RPL36AL: variants seen among roughly 807,000 people sequenced by gnomAD.
The protein encoded by RPL36AL is ribosomal protein L36a like.
Under a neutral mutation model 7.9 loss-of-function variants are expected in RPL36AL, and 8 were observed. That is an observed-to-expected ratio of 1.02 (90% CI 0.60 to 1.84). RPL36AL has a LOEUF of 1.84. RPL36AL is among the 40% of genes most tolerant of loss of function. The pLI, the probability that RPL36AL is intolerant of heterozygous loss-of-function variation, is 0.00. For synonymous variants in RPL36AL, 44 were observed against 44.8 expected, an observed-to-expected ratio of 0.98 and a Z score of 0.07; for missense variants, 76 against 126.8, an observed-to-expected ratio of 0.60 and a Z score of 1.93.
intron 1 of RPL36AL, among the ~76,000 whole-genome samples, chr14:49,619,571 C>A (rs1882771604): frequency 6.6e-6 from 1 of 151,640 alleles, no homozygotes; most frequent in Non-Finnish European, 1.5e-5. Flanking sequence ...CGGAGGTTGC[C>A]GTGAGCCGAG....
intron 1 of RPL36AL, among the ~76,000 whole-genome samples, chr14:49,619,585 G>A (rs922019581): frequency 6.6e-6 from 1 of 151,784 alleles, no homozygotes. Context: ...AGCCGAGATC[G>A]CACCATTGCA....
At position 49,618,697 on chromosome 14, in the gene RPL36AL, G is replaced by C. The variant is rs1267578266; in HGVS notation, c.*87C>G. The C allele has an allele frequency of 2.2e-5, 25 of 1,121,746 alleles. No individual in the cohort carries two copies. In the East Asian group the frequency reaches 5.2e-4, roughly 23 times the overall value. The allele number at this position is 1,121,746 out of a possible 1,614,324, so 69.5% of individuals were successfully genotyped here. ...TAAAAACCACAAAAAGTTTGCGTAA[G>C]AATATCACTGTATTTATTTTCCCTC... On this transcript the variant is annotated 3_prime_UTR_variant, in exon 2 of 2. Coordinates refer to ENST00000298289, the MANE Select transcript of RPL36AL (RefSeq NM_001001.5).
Position 49,618,926 on chromosome 14 carries a change from G to C in RPL36AL, c.179C>G (p.Ala60Gly). The C allele has an allele frequency of 1.9e-6, 3 of 1,613,592 alleles. No individual in the cohort carries two copies. Among genetic ancestry groups the C allele is most frequent in the Non-Finnish European group, 2.5e-6 (3 of 1,179,868 alleles). ...GQTKPIFRKKAKTTKKIVLRL... is the reference protein window; with the variant it reads ...GQTKPIFRKKGKTTKKIVLRL... ...TAGCACAATCTTCTTTGTGGTCTTA[G>C]CCTTCTTCCGGAAAATTGGCTTTGT... Residue 60 changes from alanine (A) to glycine (G), a missense_variant, in exon 2 of 2, where the codon GCT (alanine) becomes GGT (glycine). Ala to Gly is a moderately conservative substitution (Grantham distance 60, BLOSUM62 0). Transcript: ENST00000298289.
rs770273173 is a variant in RPL36AL at position 49,620,577 on chromosome 14, G to A, written c.-52C>T. 61 of 191,024 alleles carry A rather than the reference G, an allele frequency of 3.2e-4. No individual in the cohort carries two copies. Among genetic ancestry groups the A allele is most frequent in the African/African-American group, 1.2e-3 (50 of 42,522 alleles). The allele number at this position is 191,024 out of a possible 1,614,324, so 11.8% of individuals were successfully genotyped here. A position where few individuals can be genotyped will look rare whatever the true frequency, so the allele number is the denominator to read the frequency against. On this transcript the variant is annotated 5_prime_UTR_variant, in exon 1 of 2. Coordinates refer to ENST00000298289, the MANE Select transcript of RPL36AL (RefSeq NM_001001.5). Reference sequence around the variant, plus strand: ...CTTAGCTTACCGAGAAACAGCGCCCGACACCTGGCCCTTCGCAGCTCTCGC... The same window carrying A: ...CTTAGCTTACCGAGAAACAGCGCCCAACACCTGGCCCTTCGCAGCTCTCGC...
At chr14:49,619,204 A>G in intron 1 of RPL36AL, 64 bp from the exon 2 acceptor site, 1 of 1,009,248 alleles carries the variant, frequency 9.9e-7, no homozygotes, top group Non-Finnish European at 1.5e-6. Context: ...AAAGTGCTAT[A>G]CAAGTATATA....
At chr14:49,619,546 C>T (rs1385977769) in intron 1 of RPL36AL, among the ~76,000 whole-genome samples, 1 of 125,344 alleles carries the variant, frequency 8.0e-6, no homozygotes, top group Non-Finnish European at 1.7e-5. Flanking sequence ...ATCGCTTGGG[C>T]GGGGTGGGGA....
Position 49,620,603 on chromosome 14 carries a change from C to T in RPL36AL, c.-78G>A, listed in dbSNP as rs1882808840. 4.5e-6 allele frequency: 1 copy of T among 221,564 alleles called. No individual in the cohort carries two copies. Among genetic ancestry groups the T allele is most frequent in the Admixed American group, 5.6e-5 (1 of 17,762 alleles). 13.7% of individuals were successfully genotyped at this position (221,564 alleles called of 1,614,324 possible). On this transcript the variant is annotated 5_prime_UTR_variant, in exon 1 of 2. Transcript: ENST00000298289. ...ACACCTGGCCCTTCGCAGCTCTCGC[C>T]TTTCGCAGCTCTCGCCTAACAGGAA...
In RPL36AL at chr14:49,618,578, A is replaced by AAGT; in HGVS notation, c.*203_*205dup. 1.8e-6 allele frequency: 1 copy of AAGT among 555,468 alleles called. No individual in the cohort carries two copies. The highest frequency in any genetic ancestry group is 3.2e-6 in the Non-Finnish European group (1 of 314,932). 34.4% of individuals were successfully genotyped at this position (555,468 alleles called of 1,614,324 possible). The stretch of plus-strand genomic sequence containing the variant: ...CATTTGAAATTGACCAGAAAACAAA[A>AAGT]AGTAGTAAAGTAGTATTTTCCCTTC... On this transcript the variant is annotated 3_prime_UTR_variant, in exon 2 of 2. Transcript: ENST00000298289.
Position 49,618,577 on chromosome 14 carries a change from AAAG to A in RPL36AL, c.*204_*206del, listed in dbSNP as rs1882734597. 7 of 553,662 alleles carry A rather than the reference AAAG, an allele frequency of 1.3e-5. No homozygotes were observed. The highest frequency in any genetic ancestry group is 2.2e-5 in the Non-Finnish European group (7 of 313,958). 34.3% of individuals were successfully genotyped at this position (553,662 alleles called of 1,614,324 possible). ...ACATTTGAAATTGACCAGAAAACAA[AAAG>A]TAGTAAAGTAGTATTTTCCCTTCAT... On this transcript the variant is annotated 3_prime_UTR_variant, in exon 2 of 2. Coordinates refer to ENST00000298289, the MANE Select transcript of RPL36AL (RefSeq NM_001001.5).
intron 1 of RPL36AL, among the ~76,000 whole-genome samples, chr14:49,619,955 G>T (rs946453059): frequency 5.9e-5 from 9 of 152,076 alleles, no homozygotes; most frequent in Non-Finnish European, 1.0e-4. Context: ...GTCTCTCTGG[G>T]CCCGGCAAAT....
chr14:49,619,186 G>A (rs571127233), intron 1 of RPL36AL, 46 bp from the exon 2 acceptor site: 22 of 1,313,060 alleles, frequency 1.7e-5, no homozygotes, highest in Admixed American at 2.3e-5. Context: ...TAAACATTCC[G>A]AAAAGTGAAA....
rs1882738370 is a variant in RPL36AL at position 49,618,715 on chromosome 14, T to C, written c.*69A>G. On this transcript the variant is annotated 3_prime_UTR_variant, in exon 2 of 2. Transcript: ENST00000298289. ...TGCGTAAGAATATCACTGTATTTAT[T>C]TTCCCTCGGGTAACTTTTCTATGGC... 7.7e-7 allele frequency: 1 copy of C among 1,304,806 alleles called. No homozygotes were observed. The highest frequency in any genetic ancestry group is 2.3e-5 in the East Asian group (1 of 43,416). 80.8% of individuals were successfully genotyped at this position (1,304,806 alleles called of 1,614,324 possible).
chr14:49,620,621 A>C lies in RPL36AL; in HGVS notation c.-96T>G. On this transcript the variant is annotated 5_prime_UTR_variant, in exon 1 of 2. Transcript: ENST00000298289. ...CTCTCGCCTTTCGCAGCTCTCGCCTAACAGGAAAGGGAAGAAACAGGCGGA... is the reference window on the plus strand; with the variant it reads ...CTCTCGCCTTTCGCAGCTCTCGCCTCACAGGAAAGGGAAGAAACAGGCGGA... The C allele has an allele frequency of 4.0e-6, 1 of 249,352 alleles. No homozygotes were observed. The highest frequency in any genetic ancestry group is 7.7e-6 in the Non-Finnish European group (1 of 130,088). The allele number at this position is 249,352 out of a possible 1,614,324, so 15.4% of individuals were successfully genotyped here. A position where few individuals can be genotyped will look rare whatever the true frequency, so the allele number is the denominator to read the frequency against.
At chr14:49,620,246 G>C (rs1182261390) in intron 1 of RPL36AL, among the ~76,000 whole-genome samples, 4 of 151,702 alleles carry the variant, frequency 2.6e-5, no homozygotes, top group African/African-American at 9.7e-5. Context: ...AGCGCGCGAC[G>C]TTGTAGCTAC....
At chr14:49,620,276 C>A (rs1882795088) in intron 1 of RPL36AL, among the ~76,000 whole-genome samples, 1 of 152,110 alleles carries the variant, frequency 6.6e-6, no homozygotes, top group African/African-American at 2.4e-5. Context: ...CCGCCCCGTT[C>A]CTTCTACGAG....
At chr14:49,619,614 C>T (rs1160483316) in intron 1 of RPL36AL, among the ~76,000 whole-genome samples, 2 of 150,160 alleles carry the variant, frequency 1.3e-5, no homozygotes, top group African/African-American at 4.9e-5. Context: ...TGGGCAACAA[C>T]AGCGGAATTA....
In RPL36AL at chr14:49,618,969, T is replaced by C. The variant is rs759116865; in HGVS notation, c.136A>G (p.Ser46Gly). 69 of 1,613,874 alleles carry C rather than the reference T, an allele frequency of 4.3e-5. No homozygotes were observed. The highest frequency in any genetic ancestry group is 5.8e-5 in the Non-Finnish European group (69 of 1,179,874). ...GGCTTTGTCTGCCCACCATAGCCAC[T>C]CTGCTTCCGATCATAGCGCCTCCTT... ...QGRRRYDRKQ[S>G]GYGGQTKPIF... The change falls in exon 2 of 2, where the codon AGT (serine) becomes GGT (glycine). Residue 46 changes from serine to glycine, a missense_variant. Transcript: ENST00000298289.
intron 1 of RPL36AL, among the ~76,000 whole-genome samples, chr14:49,620,243 G>T (rs1882793760): frequency 1.3e-5 from 2 of 151,744 alleles, no homozygotes; most frequent in South Asian, 2.1e-4. Flanking sequence ...GGCAGCGCGC[G>T]ACGTTGTAGC....
At chr14:49,619,465 T>C (rs1429379635) in intron 1 of RPL36AL, among the ~76,000 whole-genome samples, 1 of 151,020 alleles carries the variant, frequency 6.6e-6, no homozygotes, top group African/African-American at 2.4e-5. Context: ...CTGACCAACA[T>C]GGAGAAACCC....
Sources: gnomAD v4.1 joint callset for allele counts (sites outside exome capture counted in the v4.1 genomes callset) on GRCh38, gnomAD v4.1.1 for gene constraint, MANE v1.5 for transcripts, NCBI Gene and HGNC (gene_info 2026-07-23, HGNC 2026-07-21) for gene names.